Variants in ADD2 observed in about 807,000 individuals in gnomAD.
ADD2 encodes the protein adducin 2, also known as beta-adducin.
Under a neutral mutation model 83.0 loss-of-function variants are expected in ADD2, and 23 were observed. The ratio of observed to expected loss-of-function variants is 0.28; its 90% CI spans 0.20 to 0.39. The LOEUF is 0.39. Among genes scored for constraint, ADD2 ranks in the 10% least tolerant of loss-of-function variants. ADD2 has a pLI of 1.00. For synonymous variants in ADD2, 375 were observed against 375.4 expected (o/e 1.00, Z 0.01); for missense variants, 758 against 944.9 (o/e 0.80, Z 2.59).
intron 1 of ADD2, among the ~76,000 whole-genome samples, chr2:70,719,281 C>A (rs1166654682): frequency 1.3e-5 from 2 of 152,214 alleles, no homozygotes; most frequent in African/African-American, 2.4e-5. Context: ...TGCCATGGGT[C>A]AGGACCTGGC....
chr2:70,709,753 C>T (rs1399485255), intron 2 of ADD2, among the ~76,000 whole-genome samples: 1 of 152,236 alleles, frequency 6.6e-6, no homozygotes, highest in African/African-American at 2.4e-5. Context: ...CCCAGAGCCT[C>T]TCCCACAAGT....
At chr2:70,690,950 G>C (rs1553371491) in intron 7 of ADD2, 21 bp from the exon 8 acceptor site, 1 of 1,601,552 alleles carries the variant, frequency 6.2e-7, no homozygotes, top group Non-Finnish European at 8.5e-7. Flanking sequence ...CAATGGCATG[G>C]TTAGCACCTG....
At chr2:70,673,326 T>G (rs1285382853) in intron 14 of ADD2, 3 of 1,613,836 alleles carry the variant, frequency 1.9e-6, no homozygotes, top group East Asian at 2.2e-5. Context: ...CTGTCCTGTC[T>G]CTGAAGAGAA....
In ADD2 at chr2:70,710,848, G is replaced by A. The variant is rs370005524; in HGVS notation, c.-35+2218C>T. ...AATGTATGTGGAGTATTTAAAACAG[G>A]GCTTGGTATATAGCAAGTGCTATTA... On this transcript the variant is annotated intron_variant, in intron 2 of 15. Coordinates refer to ENST00000264436, the MANE Select transcript of ADD2 (RefSeq NM_001617.4). Among the ~76,000 whole-genome samples, 4 of 152,242 alleles carry A rather than the reference G, an allele frequency of 2.6e-5. No homozygotes were observed. In the East Asian group the frequency reaches 5.8e-4, roughly 22 times the overall value.
At chr2:70,704,263 T>TGGCCCCC in intron 4 of ADD2, 58 bp downstream of exon 4, 5 of 913,234 alleles carry the variant, frequency 5.5e-6, no homozygotes, top group East Asian at 2.9e-5. Context: ...CTCCCTCTCT[T>TGGCCCCC]CCCCACCCCA....
At chr2:70,732,404 G>A (rs1293071807) in intron 1 of ADD2, among the ~76,000 whole-genome samples, 3 of 152,274 alleles carry the variant, frequency 2.0e-5, no homozygotes, top group Admixed American at 2.0e-4. Flanking sequence ...ATGATATCTG[G>A]ATCAATTGAG....
intron 2 of ADD2, among the ~76,000 whole-genome samples, chr2:70,708,743 C>T (rs1266001023): frequency 3.9e-5 from 6 of 152,168 alleles, no homozygotes; most frequent in African/African-American, 1.2e-4. Context: ...GGCTTTTCCA[C>T]GTATAATAAA....
chr2:70,735,585 C>T lies in ADD2; in HGVS notation c.-153-22401G>A, dbSNP rs192851309. On this transcript the variant is annotated intron_variant, in intron 1 of 15. Transcript: ENST00000264436. ...CTGCTTGCTCTGCCTGCTTTCCCTC[C>T]TCCCTCTTTCCTAACAAACTCAGTG... Among the ~76,000 whole-genome samples, 6 of 152,166 alleles carry T rather than the reference C, an allele frequency of 3.9e-5. No homozygotes were observed. The East Asian group carries it at 1.2e-3, about 29-fold the overall frequency.
intron 4 of ADD2, among the ~76,000 whole-genome samples, chr2:70,703,288 A>G (rs1671704543): frequency 6.6e-6 from 1 of 152,196 alleles, no homozygotes; most frequent in African/African-American, 2.4e-5. Flanking sequence ...AAATACATTA[A>G]TATATCCAAC....
chr2:70,690,761 A>T, intron 8 of ADD2, 25 bp downstream of exon 8: 1 of 1,600,294 alleles, frequency 6.2e-7, no homozygotes, highest in Non-Finnish European at 8.5e-7. Flanking sequence ...ACTCTAGATT[A>T]TTGTCCCAGA....
intron 1 of ADD2, among the ~76,000 whole-genome samples, chr2:70,752,962 G>A (rs1297196537): frequency 6.6e-6 from 1 of 152,210 alleles, no homozygotes; most frequent in Non-Finnish European, 1.5e-5. Flanking sequence ...ATGAAGTAGA[G>A]TTCTGGGGAG....
intron 9 of ADD2, 59 bp downstream of exon 9, chr2:70,687,965 G>T: frequency 1.5e-6 from 2 of 1,325,426 alleles, no homozygotes; most frequent in Non-Finnish European, 1.1e-6. Context: ...CACCACGTTT[G>T]CCCACAGGCC....
rs576248149 is a variant in ADD2, at chr2:70,733,377, G to A, written c.-153-20193C>T. Among the ~76,000 whole-genome samples, 7 of 152,322 alleles carry A rather than the reference G, an allele frequency of 4.6e-5. No homozygotes were observed. The South Asian group carries it at 1.4e-3, about 32-fold the overall frequency. ...ATGTGCTGCCTTGAAATCAGGCCTG[G>A]TGGTTAAAGCAAATGAACCAGTTTT... On this transcript the variant is annotated intron_variant, in intron 1 of 15. Transcript: ENST00000264436.
Position 70,673,288 on chromosome 2 carries a change from C to T in ADD2, c.1742-282G>A, listed in dbSNP as rs4983. 1.9e-3 allele frequency: 3,091 copies of T among 1,614,070 alleles called. 6 individuals are homozygous for T. Among genetic ancestry groups the T allele is most frequent in the Non-Finnish European group, 1.8e-3 (2,174 of 1,179,996 alleles). ...AGGGCAACGCTGAAGAACTCGCACACGGCCGGACCAGAGCCTGGCTCTCGT... is the reference window on the plus strand; with the variant it reads ...AGGGCAACGCTGAAGAACTCGCACATGGCCGGACCAGAGCCTGGCTCTCGT... On this transcript the variant is annotated intron_variant, in intron 14 of 15. Transcript: ENST00000264436.
At chr2:70,767,694 T>C in intron 1 of ADD2, 192 bp downstream of exon 1, 1 of 1,402,782 alleles carries the variant, frequency 7.1e-7, no homozygotes, top group Non-Finnish European at 9.2e-7. Flanking sequence ...CCTCGGATGC[T>C]ACATCATCAC....
chr2:70,748,167 T>G (rs1250666784), intron 1 of ADD2, among the ~76,000 whole-genome samples: 1 of 152,116 alleles, frequency 6.6e-6, no homozygotes, highest in African/African-American at 2.4e-5. Flanking sequence ...ATGCCCTCAC[T>G]TGTGAAGAAA....
At chr2:70,686,738 T>C (rs1321645170) in intron 9 of ADD2, among the ~76,000 whole-genome samples, 3 of 152,142 alleles carry the variant, frequency 2.0e-5, no homozygotes, top group Non-Finnish European at 2.9e-5. Context: ...GAATCTTTGG[T>C]TGGGCAGCAG....
chr2:70,692,518 T>C lies in ADD2; in HGVS notation c.590A>G (p.Lys197Arg). 1.2e-6 allele frequency: 2 copies of C among 1,611,884 alleles called. No homozygotes were observed. The highest frequency in any genetic ancestry group is 1.1e-5 in the South Asian group (1 of 90,856). Residue 197 changes from lysine to arginine, a missense_variant, in exon 7 of 16, where the codon AAG (lysine) becomes AGG (arginine). Around this residue, in one of 5 missense-constraint regions of ADD2, gnomAD observed 394 missense variants for 509.3 expected, o/e 0.77. Coordinates refer to ENST00000264436, the MANE Select transcript of ADD2 (RefSeq NM_001617.4). ...KVNILGEVVE[K>R]GSSCFPVDTT... is the part of the protein sequence containing the mutation. ...GTCCACTGGGAAGCAGCTGCTGCCC[T>C]TCTCCACCACCTCTCCCAGAATGTT...
chr2:70,663,563 C>T lies in ADD2; in HGVS notation c.2043G>A (p.Lys681=), dbSNP rs782521531. 3 of 1,614,110 alleles carry T rather than the reference C, an allele frequency of 1.9e-6. No homozygotes were observed. The Admixed American group carries it at 5.0e-5, about 27-fold the overall frequency. The change falls in exon 16 of 16, where the codon AAG becomes AAA. Residue 681 remains lysine, a synonymous_variant. Coordinates refer to ENST00000264436, the MANE Select transcript of ADD2 (RefSeq NM_001617.4). ...CGCTGGTGACCGACTCGGTTTTGTC[C>T]TTAGAGGTATCAACATCCGTGTCAG... ...TSADTDVDTS[K]DKTESVTSGP... is the part of the protein sequence containing the mutation.
Sources: allele counts gnomAD v4.1 joint callset (sites outside exome capture counted in the v4.1 genomes callset), GRCh38; gene constraint gnomAD v4.1.1; regional missense constraint gnomAD v4.1.1; transcripts MANE v1.5; gene names NCBI Gene and HGNC (gene_info 2026-07-23, HGNC 2026-07-21).